SNCB: variants seen among roughly 807,000 people sequenced by gnomAD.
The protein encoded by SNCB is synuclein beta.
SNCB carries 8 observed loss-of-function variants against 20.0 expected under a neutral mutation model. The observed-to-expected ratio is 0.40, with a 90% CI of 0.24 to 0.72. SNCB has a LOEUF of 0.72. SNCB is among the 30% of genes least tolerant of loss of function. The probability of loss-of-function intolerance (pLI) is 0.37; values close to 1 mark genes in which losing one functional copy is unlikely to be tolerated. For synonymous variants in SNCB, 56 were observed against 65.4 expected, an observed-to-expected ratio of 0.86 and a Z score of 0.69; for missense variants, 125 against 168.0, an observed-to-expected ratio of 0.74 and a Z score of 1.41.
At position 176,629,479 on chromosome 5, in the gene SNCB, A is replaced by G. The variant is rs1319145596; in HGVS notation, c.121+55T>C. ...CTCCCCGGGACCCGGCCCCAGCTCC[A>G]CACTGTCGGGGGACCCCCAGCCCTG... On this transcript the variant is annotated intron_variant, in intron 2 of 5. Coordinates refer to ENST00000393693, the MANE Select transcript of SNCB (RefSeq NM_003085.5). This position sits in a 1 kb window ranked among gnomAD's most constrained non-coding sequence, Gnocchi z 4.1. 3.8e-6 allele frequency: 6 copies of G among 1,587,660 alleles called. No homozygotes were observed. The highest frequency in any genetic ancestry group is 1.7e-4 in the Middle Eastern group (1 of 5,966).
chr5:176,627,009 T>G (rs1170788806), intron 2 of SNCB, among the ~76,000 whole-genome samples: 4 of 152,186 alleles, frequency 2.6e-5, no homozygotes, highest in Admixed American at 2.6e-4. Flanking sequence ...GGATGTTGGC[T>G]GAGGGCCAGT....
Position 176,620,713 on chromosome 5 carries a change from G to C in SNCB, c.*98C>G, listed in dbSNP as rs1162387497. The stretch of plus-strand genomic sequence containing the variant: ...TGCCTCAGAGCGGAAGGAAGATCTC[G>C]TGATTGGGGAGAAGGAGTCTAAGGA... On this transcript the variant is annotated 3_prime_UTR_variant, in exon 6 of 6. Transcript: ENST00000393693. The surrounding 1 kb of genome is among the most constrained non-coding windows in gnomAD (Gnocchi z 4.5). The C allele has an allele frequency of 3.5e-6, 3 of 856,104 alleles. No individual in the cohort carries two copies. Among genetic ancestry groups the C allele is most frequent in the African/African-American group, 3.3e-5 (2 of 60,486 alleles). 53.0% of individuals were successfully genotyped at this position (856,104 alleles called of 1,614,324 possible).
At position 176,629,326 on chromosome 5, in the gene SNCB, C is replaced by T; in HGVS notation, c.121+208G>A. 1.7e-6 allele frequency: 1 copy of T among 598,410 alleles called. No homozygotes were observed. The highest frequency in any genetic ancestry group is 2.1e-5 in the South Asian group (1 of 48,732). 37.1% of individuals were successfully genotyped at this position (598,410 alleles called of 1,614,324 possible). On this transcript the variant is annotated intron_variant, in intron 2 of 5. Coordinates refer to ENST00000393693, the MANE Select transcript of SNCB (RefSeq NM_003085.5). This position sits in a 1 kb window ranked among gnomAD's most constrained non-coding sequence, Gnocchi z 4.1. ...TGGCCTTTCAGCTGGAGCCCCCCAC[C>T]TCATCAGCCCGCCCCGTGTCCCCAT...
rs748339539 is a variant in SNCB, at chr5:176,620,615, C to T, written c.*196G>A. 7 of 617,712 alleles carry T rather than the reference C, an allele frequency of 1.1e-5. No individual in the cohort carries two copies. The highest frequency in any genetic ancestry group is 2.0e-5 in the Non-Finnish European group (7 of 345,354). 38.3% of individuals were successfully genotyped at this position (617,712 alleles called of 1,614,324 possible). A position where few individuals can be genotyped will look rare whatever the true frequency, so the allele number is the denominator to read the frequency against. On this transcript the variant is annotated 3_prime_UTR_variant, in exon 6 of 6. Transcript: ENST00000393693. This position sits in a 1 kb window ranked among gnomAD's most constrained non-coding sequence, Gnocchi z 4.5. ...GCCGCGACCGCAACCCTGGCCCTGT[C>T]CATGCCCCGGGGTTGGACGCGGGCG...
chr5:176,625,795 C>T (rs903934554), intron 4 of SNCB, among the ~76,000 whole-genome samples: 17 of 152,218 alleles, frequency 1.1e-4, no homozygotes, highest in African/African-American at 3.9e-4. Flanking sequence ...GCTTCCCACA[C>T]ATCTCAAGGC....
chr5:176,620,979 G>T lies in SNCB; in HGVS notation c.373-136C>A. On this transcript the variant is annotated intron_variant, in intron 5 of 5. Transcript: ENST00000393693. The surrounding 1 kb of genome is among the most constrained non-coding windows in gnomAD (Gnocchi z 4.5). ...CATTCCCCTTTTCCTGGGCAGGGGAGGAGCCTGGAAGTTGGGGACAACAGA... is the reference window on the plus strand; with the variant it reads ...CATTCCCCTTTTCCTGGGCAGGGGATGAGCCTGGAAGTTGGGGACAACAGA... 1 of 862,076 alleles carries T rather than the reference G, an allele frequency of 1.2e-6. No individual in the cohort carries two copies. The highest frequency in any genetic ancestry group is 1.9e-6 in the Non-Finnish European group (1 of 516,716). 53.4% of individuals were successfully genotyped at this position (862,076 alleles called of 1,614,324 possible). A position where few individuals can be genotyped will look rare whatever the true frequency, so the allele number is the denominator to read the frequency against.
chr5:176,623,011 GCATGAGCCACTGTGC>G (rs959680585), intron 4 of SNCB, among the ~76,000 whole-genome samples: 11 of 151,930 alleles, frequency 7.2e-5, no homozygotes, highest in African/African-American at 2.4e-4. Context: ...GGGATTACAG[GCATGAGCCACTGTGC>G]CCAGCCTCAT....
At position 176,621,276 on chromosome 5, in the gene SNCB, C is replaced by A; in HGVS notation, c.310G>T (p.Glu104Ter). ...KPEEVAQEAAEEPLIEPLMEP... is the reference protein window; with the variant it reads ...KPEEVAQEAA ...ATCAGGGGCTCAATCAGTGGTTCTT[C>A]AGCAGCTTCCTGGGCCACTTCCTCT... Residue 104 changes from glutamate to a stop codon, truncating the protein, a stop_gained, in exon 5 of 6, where the codon GAA becomes TAA. Transcript: ENST00000393693. LOFTEE classifies it high-confidence loss of function. The surrounding 1 kb of genome is among the most constrained non-coding windows in gnomAD (Gnocchi z 4.1). 1 of 1,613,840 alleles carries A rather than the reference C, an allele frequency of 6.2e-7. No individual in the cohort carries two copies. The highest frequency in any genetic ancestry group is 8.5e-7 in the Non-Finnish European group (1 of 1,179,950).
intron 4 of SNCB, among the ~76,000 whole-genome samples, chr5:176,622,360 C>T (rs774182825): frequency 2.8e-4 from 42 of 152,148 alleles, no homozygotes; most frequent in Admixed American, 7.2e-4. Context: ...CACTGTGGTG[C>T]GTGCCTCTAG....
At chr5:176,623,160 G>A (rs1759712583) in intron 4 of SNCB, among the ~76,000 whole-genome samples, 1 of 152,052 alleles carries the variant, frequency 6.6e-6, no homozygotes, top group African/African-American at 2.4e-5. Context: ...GGTCAAGGTG[G>A]GCAGATCACT....
At chr5:176,623,841 A>G (rs1420524650) in intron 4 of SNCB, among the ~76,000 whole-genome samples, 5 of 152,176 alleles carry the variant, frequency 3.3e-5, no homozygotes, top group African/African-American at 9.7e-5. Context: ...CCCATCTCAG[A>G]AAACAAACAA....
Position 176,626,198 on chromosome 5 carries a change from CCATG to C in SNCB, c.282+196_282+199del, listed in dbSNP as rs1459179327. On this transcript the variant is annotated intron_variant, in intron 4 of 5. Coordinates refer to ENST00000393693, the MANE Select transcript of SNCB (RefSeq NM_003085.5). This position sits in a 1 kb window ranked among gnomAD's most constrained non-coding sequence, Gnocchi z 4.2. ...GTCCCCATCACCGGGAGCGTCACAC[CCATG>C]CACGCCTTTATTCAGATGCATTCTG... 4.6e-5 allele frequency among the ~76,000 whole-genome samples: 7 copies of C among 152,106 alleles called. No individual in the cohort carries two copies. The highest frequency in any genetic ancestry group is 4.4e-5 in the Non-Finnish European group (3 of 68,020).
chr5:176,625,969 T>A lies in SNCB; in HGVS notation c.282+429A>T, dbSNP rs188314298. 4.2e-3 allele frequency among the ~76,000 whole-genome samples: 634 copies of A among 152,236 alleles called. 12 individuals are homozygous for A. The highest frequency in any genetic ancestry group is 4.9e-3 in the Non-Finnish European group (330 of 68,024). ...AAAGCATCCTGCCTGCTGGCTTGCG[T>A]TTTACTATCTTCTCCCACTACAATG... On this transcript the variant is annotated intron_variant, in intron 4 of 5. Coordinates refer to ENST00000393693, the MANE Select transcript of SNCB (RefSeq NM_003085.5).
At chr5:176,623,235 A>G (rs1759720333) in intron 4 of SNCB, among the ~76,000 whole-genome samples, 1 of 152,038 alleles carries the variant, frequency 6.6e-6, no homozygotes, top group Non-Finnish European at 1.5e-5. Context: ...AAATATACAA[A>G]AATTAGCTGG....
rs1759989234 is a variant in SNCB, at chr5:176,626,828, T to A, written c.122-67A>T. ...AGGGAACAGAAACTCCAGCACAGCA[T>A]GGTGATTACAGAGTGGGCATCCTGG... On this transcript the variant is annotated intron_variant, in intron 2 of 5. Transcript: ENST00000393693. The surrounding 1 kb of genome is among the most constrained non-coding windows in gnomAD (Gnocchi z 4.2). 1 of 1,566,784 alleles carries A rather than the reference T, an allele frequency of 6.4e-7. No homozygotes were observed. Among genetic ancestry groups the A allele is most frequent in the African/African-American group, 1.4e-5 (1 of 74,026 alleles).
intron 4 of SNCB, among the ~76,000 whole-genome samples, chr5:176,623,139 G>T (rs1018434073): frequency 6.6e-6 from 1 of 152,066 alleles, no homozygotes; most frequent in Non-Finnish European, 1.5e-5. Context: ...ACCACTCCCA[G>T]CATTTTGGGA....
In SNCB at chr5:176,621,274, T is replaced by TTCAGCAGCTTCC. The variant is rs1759577851; in HGVS notation, c.300_311dup (p.Ala102_Glu105dup). The TTCAGCAGCTTCC allele has an allele frequency of 6.2e-7, 1 of 1,613,750 alleles. No homozygotes were observed. Reference sequence around the variant, plus strand: ...CCATCAGGGGCTCAATCAGTGGTTCTTCAGCAGCTTCCTGGGCCACTTCCT... The same window carrying TTCAGCAGCTTCC: ...CCATCAGGGGCTCAATCAGTGGTTCTTCAGCAGCTTCCTCAGCAGCTTCCTGGGCCACTTCCT... On this transcript the variant is annotated inframe_insertion, in exon 5 of 6. Coordinates refer to ENST00000393693, the MANE Select transcript of SNCB (RefSeq NM_003085.5). The surrounding 1 kb of genome is among the most constrained non-coding windows in gnomAD (Gnocchi z 4.1).
chr5:176,626,677 C>A lies in SNCB; in HGVS notation c.163+43G>T. On this transcript the variant is annotated intron_variant, in intron 3 of 5. Coordinates refer to ENST00000393693, the MANE Select transcript of SNCB (RefSeq NM_003085.5). The surrounding 1 kb of genome is among the most constrained non-coding windows in gnomAD (Gnocchi z 4.2). Reference sequence around the variant, plus strand: ...CCCTCTGGTTCCCGGCCAGATCATCCGCCTAAGTGAGAGAAGGGCTGGTGC... The same window carrying A: ...CCCTCTGGTTCCCGGCCAGATCATCAGCCTAAGTGAGAGAAGGGCTGGTGC... 6.2e-7 allele frequency: 1 copy of A among 1,609,932 alleles called. No individual in the cohort carries two copies. Among genetic ancestry groups the A allele is most frequent in the East Asian group, 2.2e-5 (1 of 44,874 alleles).
rs569218082 is a variant in SNCB, at chr5:176,620,918, C to T, written c.373-75G>A. 5 of 1,319,890 alleles carry T rather than the reference C, an allele frequency of 3.8e-6. No individual in the cohort carries two copies. Among genetic ancestry groups the T allele is most frequent in the East Asian group, 4.6e-5 (2 of 43,654 alleles). The allele number at this position is 1,319,890 out of a possible 1,614,324, so 81.8% of individuals were successfully genotyped here. ...AGTTTGAGACCAAGTGGCCAAGCCC[C>T]GGCCCAAGAACCCTCTCCCTGAAGG... is the stretch of plus-strand genomic sequence containing the variant. On this transcript the variant is annotated intron_variant, in intron 5 of 5. Coordinates refer to ENST00000393693, the MANE Select transcript of SNCB (RefSeq NM_003085.5). The surrounding 1 kb of genome is among the most constrained non-coding windows in gnomAD (Gnocchi z 4.5).
Sources: gnomAD v4.1 joint callset for allele counts (sites outside exome capture counted in the v4.1 genomes callset) on GRCh38, gnomAD v4.1.1 for gene constraint, Gnocchi (gnomAD v3.1) non-coding constraint, MANE v1.5 for transcripts, NCBI Gene and HGNC (gene_info 2026-07-23, HGNC 2026-07-21) for gene names.